The following NEGR1 variants were observed in gnomAD, a reference collection of about 807,000 sequenced individuals.
NEGR1 encodes IgLON family member 4.
NEGR1 carries 10 observed loss-of-function variants against 40.9 expected under a neutral mutation model. That is an observed-to-expected ratio of 0.24 (90% CI 0.15 to 0.42). The LOEUF (loss-of-function observed/expected upper bound fraction) is 0.42. NEGR1 is among the 10% of genes least tolerant of loss of function. The pLI, the probability that NEGR1 is intolerant of heterozygous loss-of-function variation, is 1.00. For missense variants in NEGR1, 352 were observed against 438.9 expected, an observed-to-expected ratio of 0.80 and a Z score of 1.77; for synonymous variants, 185 against 166.8, an observed-to-expected ratio of 1.11 and a Z score of -0.84.
chr1:71,988,923 TAAA>T (rs10604833), intron 1 of NEGR1, among the ~76,000 whole-genome samples: 9 of 82,228 alleles, frequency 1.1e-4, no homozygotes, highest in South Asian at 8.1e-4. Flanking sequence ...TATTGGATGT[TAAA>T]AAAAAAAAAA....
chr1:71,528,605 A>G (rs1647270926), intron 6 of NEGR1, among the ~76,000 whole-genome samples: 1 of 151,352 alleles, frequency 6.6e-6, no homozygotes, highest in Admixed American at 6.6e-5. Flanking sequence ...GCATTTATTC[A>G]ATTTAAAGTG....
chr1:71,755,758 C>A (rs1367927875), intron 3 of NEGR1, among the ~76,000 whole-genome samples: 1 of 152,248 alleles, frequency 6.6e-6, no homozygotes, highest in East Asian at 1.9e-4. Flanking sequence ...TTTTTTCACT[C>A]TTCATATTAT....
At chr1:71,658,688 CAAATA>C (rs769809988) in intron 4 of NEGR1, among the ~76,000 whole-genome samples, 8 of 152,138 alleles carry the variant, frequency 5.3e-5, no homozygotes, top group Admixed American at 1.3e-4. Context: ...GAAAAGGGTA[CAAATA>C]AAATTAAACA....
At chr1:71,923,336 C>T (rs1318011752) in intron 2 of NEGR1, among the ~76,000 whole-genome samples, 1 of 150,380 alleles carries the variant, frequency 6.6e-6, no homozygotes, top group Non-Finnish European at 1.5e-5. Context: ...GCCAGGGCAC[C>T]TTACACTTGG....
chr1:71,558,823 C>A (rs1485978304), intron 6 of NEGR1, among the ~76,000 whole-genome samples: 1 of 148,602 alleles, frequency 6.7e-6, no homozygotes, highest in African/African-American at 2.5e-5. Flanking sequence ...TTAGCCATTT[C>A]TCCAACGATT....
intron 6 of NEGR1, among the ~76,000 whole-genome samples, chr1:71,496,811 T>C (rs1178975428): frequency 6.6e-6 from 1 of 151,968 alleles, no homozygotes; most frequent in Non-Finnish European, 1.5e-5. Flanking sequence ...CCTGCTAGAG[T>C]TCTATGATAA....
At chr1:71,621,750 GA>G (rs1650615711) in intron 4 of NEGR1, among the ~76,000 whole-genome samples, 1 of 151,756 alleles carries the variant, frequency 6.6e-6, no homozygotes, top group South Asian at 2.1e-4. Flanking sequence ...ATTAACCTAA[GA>G]GATTATTTTC....
intron 1 of NEGR1, among the ~76,000 whole-genome samples, chr1:72,180,975 C>T (rs1652346982): frequency 6.6e-6 from 1 of 151,938 alleles, no homozygotes; most frequent in Admixed American, 6.6e-5. Context: ...TGATGGTGCA[C>T]CATGTCTGAT....
At chr1:71,809,911 A>G (rs147453202) in intron 2 of NEGR1, among the ~76,000 whole-genome samples, 2 of 152,310 alleles carry the variant, frequency 1.3e-5, no homozygotes, top group African/African-American at 4.8e-5. Context: ...AAGTCAAGGA[A>G]AAAACGTAAA....
chr1:71,489,184 T>G (rs1464063412), intron 6 of NEGR1, among the ~76,000 whole-genome samples: 1 of 151,824 alleles, frequency 6.6e-6, no homozygotes, highest in Non-Finnish European at 1.5e-5. Context: ...CTCAGGCAAC[T>G]TAGGGAGCAG....
intron 1 of NEGR1, among the ~76,000 whole-genome samples, chr1:72,068,983 A>G (rs1264978635): frequency 6.6e-6 from 1 of 152,162 alleles, no homozygotes; most frequent in Non-Finnish European, 1.5e-5. Flanking sequence ...CGGAAAAATA[A>G]TTATTTTCCT....
At chr1:72,010,705 T>C (rs1216500384) in intron 1 of NEGR1, among the ~76,000 whole-genome samples, 2 of 150,808 alleles carry the variant, frequency 1.3e-5, no homozygotes, top group Admixed American at 1.3e-4. Context: ...CAAGGGAAAC[T>C]TGACTTTGGC....
intron 1 of NEGR1, among the ~76,000 whole-genome samples, chr1:72,231,417 C>T (rs1654359994): frequency 6.6e-6 from 1 of 152,144 alleles, no homozygotes; most frequent in South Asian, 2.1e-4. Context: ...AAGTAAGTGA[C>T]ATTGTTTTGT....
chr1:71,774,960 T>A (rs1014576494), intron 3 of NEGR1, among the ~76,000 whole-genome samples: 2 of 152,220 alleles, frequency 1.3e-5, no homozygotes, highest in African/African-American at 2.4e-5. Flanking sequence ...ACATGTTATA[T>A]ATTTCATTTC....
intron 1 of NEGR1, among the ~76,000 whole-genome samples, chr1:72,091,646 A>C (rs1338663061): frequency 6.6e-6 from 1 of 152,090 alleles, no homozygotes; most frequent in African/African-American, 2.4e-5. Flanking sequence ...GCTTGGATGG[A>C]GGGTGGAAAG....
chr1:71,409,793 T>C (rs911102267), intron 6 of NEGR1, among the ~76,000 whole-genome samples: 4 of 152,034 alleles, frequency 2.6e-5, no homozygotes, highest in African/African-American at 9.7e-5. Context: ...ATCAAATGAA[T>C]GGGTCATAAT....
At chr1:72,138,023 C>T (rs1438653112) in intron 1 of NEGR1, among the ~76,000 whole-genome samples, 1 of 151,616 alleles carries the variant, frequency 6.6e-6, no homozygotes, top group African/African-American at 2.4e-5. Context: ...AAGAATTCAC[C>T]ACTGGCAGAC....
At chr1:71,977,325 C>CA (rs66553287) in intron 1 of NEGR1, among the ~76,000 whole-genome samples, 15 of 151,440 alleles carry the variant, frequency 9.9e-5, no homozygotes, top group Admixed American at 4.6e-4. Flanking sequence ...GACTCCATCT[C>CA]AAAAAAAACA....
At chr1:72,032,876 T>C (rs1646871414) in intron 1 of NEGR1, among the ~76,000 whole-genome samples, 1 of 152,086 alleles carries the variant, frequency 6.6e-6, no homozygotes, top group Non-Finnish European at 1.5e-5. Context: ...ATGGGAATAA[T>C]GATAGAGCCT....
Sources: allele counts gnomAD v4.1 joint callset (sites outside exome capture counted in the v4.1 genomes callset), GRCh38; gene constraint gnomAD v4.1.1; transcripts MANE v1.5; gene names NCBI Gene and HGNC (gene_info 2026-07-23, HGNC 2026-07-21).